OPHN1: variants seen among roughly 807,000 people sequenced by gnomAD.
The protein encoded by OPHN1 is oligophrenin 1, also known as oligophrenin-1.
A neutral mutation model predicts 60.7 loss-of-function variants in OPHN1; 11 were observed. That is an observed-to-expected ratio of 0.18 (90% CI 0.11 to 0.30). The LOEUF (loss-of-function observed/expected upper bound fraction) is 0.30, where lower values mean the gene tolerates loss of function less well. Among genes scored for constraint, OPHN1 ranks in the 10% least tolerant of loss-of-function variants. OPHN1 has a pLI of 1.00. For synonymous variants in OPHN1, 226 were observed against 222.6 expected (o/e 1.02, Z -0.14); for missense variants, 449 against 611.0 (o/e 0.73, Z 2.80).
chrX:68,172,861 G>A (rs185512635), intron 15 of OPHN1, among the ~76,000 whole-genome samples: 1 of 110,810 alleles, frequency 9.0e-6, no homozygotes, highest in African/African-American at 3.3e-5. Flanking sequence ...TTCTCACACC[G>A]AGCCAGGCTC....
intron 2 of OPHN1, among the ~76,000 whole-genome samples, chrX:68,378,116 T>C (rs1275496536): frequency 1.8e-5 from 2 of 111,977 alleles, no homozygotes; most frequent in African/African-American, 3.2e-5. Flanking sequence ...TTTTAATGAT[T>C]GCCATTCTAA....
At chrX:68,157,463 G>T (rs774708129) in intron 15 of OPHN1, among the ~76,000 whole-genome samples, 5 of 111,653 alleles carry the variant, frequency 4.5e-5, no homozygotes, top group African/African-American at 1.6e-4. Context: ...AATTTTAAGC[G>T]AACTAATGCG....
chrX:68,096,921 G>A lies in OPHN1; in HGVS notation c.1635C>T (p.Asn545=). The change falls in exon 19 of 25, where the codon AAC becomes AAT. Residue 545 remains asparagine (N), a synonymous_variant. Coordinates refer to ENST00000355520, the MANE Select transcript of OPHN1 (RefSeq NM_002547.3). ...AQEDTVAAMM[N]IKFQNIVVEI... is the part of the protein sequence containing the mutation. ...CCACCACTATGTTCTGGAATTTGAT[G>A]TTCATCATGGCGGCCACAGTGTCCT... 8.3e-7 allele frequency: 1 copy of A among 1,210,836 alleles called. No homozygotes were observed. Among genetic ancestry groups the A allele is most frequent in the East Asian group, 3.0e-5 (1 of 33,826 alleles).
At chrX:68,134,238 A>G (rs1408395534) in intron 15 of OPHN1, among the ~76,000 whole-genome samples, 2 of 111,636 alleles carry the variant, frequency 1.8e-5, no homozygotes, top group Non-Finnish European at 3.8e-5. Context: ...ACAGAAGATC[A>G]TTTACGTTTT....
At chrX:68,419,761 G>C (rs1009854590) in intron 2 of OPHN1, among the ~76,000 whole-genome samples, 1 of 110,537 alleles carries the variant, frequency 9.0e-6, no homozygotes, top group African/African-American at 3.3e-5. Flanking sequence ...GGCTGGTCTC[G>C]AACTACTGAG....
At chrX:68,396,709 G>C (rs1164091267) in intron 2 of OPHN1, among the ~76,000 whole-genome samples, 1 of 110,976 alleles carries the variant, frequency 9.0e-6, no homozygotes, top group African/African-American at 3.3e-5. Flanking sequence ...CAGCTACCCG[G>C]GAGGCTGAGG....
intron 2 of OPHN1, among the ~76,000 whole-genome samples, chrX:68,383,292 A>C (rs2078606995): frequency 9.0e-6 from 1 of 111,239 alleles, no homozygotes; most frequent in Non-Finnish European, 1.9e-5. Flanking sequence ...ACAAAAAGGA[A>C]TTAAACAGGC....
At chrX:68,111,655 G>A (rs1325288804) in intron 18 of OPHN1, among the ~76,000 whole-genome samples, 199 bp downstream of exon 18, 1 of 111,687 alleles carries the variant, frequency 9.0e-6, no homozygotes, top group Non-Finnish European at 1.9e-5. Context: ...TTTCAACTGA[G>A]ACAATCCACA....
At chrX:68,200,397 C>T (rs1487239052) in intron 11 of OPHN1, among the ~76,000 whole-genome samples, 1 of 111,559 alleles carries the variant, frequency 9.0e-6, no homozygotes, top group Non-Finnish European at 1.9e-5. Flanking sequence ...AACATAAATT[C>T]ATCCTAGCCC....
intron 5 of OPHN1, among the ~76,000 whole-genome samples, chrX:68,264,263 A>G (rs912473991): frequency 3.6e-5 from 4 of 111,700 alleles, no homozygotes; most frequent in African/African-American, 1.3e-4. Context: ...AATGGGATCT[A>G]ATTAAACTAA....
Position 68,044,651 on chromosome X carries a change from C to T in OPHN1, c.*2521G>A, listed in dbSNP as rs1039169230. 8.9e-5 allele frequency: 10 copies of T among 112,591 alleles called. No homozygotes were observed. Among genetic ancestry groups the T allele is most frequent in the African/African-American group, 3.2e-4 (10 of 31,020 alleles). 9.3% of individuals were successfully genotyped at this position (112,591 alleles called of 1,213,427 possible). On this transcript the variant is annotated 3_prime_UTR_variant, in exon 25 of 25. Transcript: ENST00000355520. ...CCAGTCTCATTCCATGATAGCATGC[C>T]TCGCCACAGAAGCTTTTTGCACTTT...
intron 6 of OPHN1, among the ~76,000 whole-genome samples, chrX:68,222,943 A>T (rs2077669855): frequency 9.0e-6 from 1 of 110,641 alleles, no homozygotes; most frequent in Non-Finnish European, 1.9e-5. Context: ...AAATAAATAA[A>T]AATAAATAAA....
chrX:68,197,203 T>C lies in OPHN1; in HGVS notation c.1087A>G (p.Met363Val). 8.3e-7 allele frequency: 1 copy of C among 1,209,348 alleles called. No homozygotes were observed. Among genetic ancestry groups the C allele is most frequent in the Non-Finnish European group, 1.1e-6 (1 of 893,682 alleles). The stretch of plus-strand genomic sequence containing the variant: ...TAACTTACAGGTTCTTTCCCATCCA[T>C]GGCTTCCATCCATAGCCTTCTGTTA... ...EANRRLWMEA[M>V]DGKEPIYHSP... is the part of the protein sequence containing the mutation. Residue 363 changes from methionine to valine, a missense_variant, in exon 12 of 25, where the codon ATG (methionine) becomes GTG (valine). Around this residue, in one of 4 missense-constraint regions of OPHN1, gnomAD observed 166 missense variants for 278.4 expected, o/e 0.60. Coordinates refer to ENST00000355520, the MANE Select transcript of OPHN1 (RefSeq NM_002547.3).
intron 15 of OPHN1, among the ~76,000 whole-genome samples, chrX:68,174,508 A>G (rs1265091268): frequency 3.3e-4 from 27 of 81,036 alleles, no homozygotes; most frequent in African/African-American, 1.3e-3. Flanking sequence ...GTCTCACTCT[A>G]TCACCCAGGC....
At chrX:68,167,721 GTATA>G (rs372934703) in intron 15 of OPHN1, among the ~76,000 whole-genome samples, 3 of 104,729 alleles carry the variant, frequency 2.9e-5, no homozygotes, top group African/African-American at 7.1e-5. Context: ...ATGTGTGTGT[GTATA>G]TATATATATA....
At chrX:68,389,776 C>T (rs2078644515) in intron 2 of OPHN1, among the ~76,000 whole-genome samples, 2 of 109,631 alleles carry the variant, frequency 1.8e-5, no homozygotes, top group Non-Finnish European at 3.8e-5. Context: ...GTTTCTGCCA[C>T]TTACTCACTA....
chrX:68,206,974 T>C (rs1460023701), intron 9 of OPHN1, among the ~76,000 whole-genome samples: 2 of 111,146 alleles, frequency 1.8e-5, no homozygotes, highest in Non-Finnish European at 3.8e-5. Context: ...GTCATTTACT[T>C]TGCTGTCTCT....
chrX:68,426,919 T>C (rs2078862111), intron 2 of OPHN1, among the ~76,000 whole-genome samples: 1 of 100,635 alleles, frequency 9.9e-6, no homozygotes, highest in Admixed American at 1.1e-4. Context: ...AACATACTTA[T>C]AAAGCACATT....
chrX:68,281,528 T>G (rs764191288), intron 4 of OPHN1, among the ~76,000 whole-genome samples: 1 of 112,035 alleles, frequency 8.9e-6, no homozygotes, highest in Non-Finnish European at 1.9e-5. Context: ...ACTTTTTAGA[T>G]ATAACACCAA....
Sources: allele counts gnomAD v4.1 joint callset (sites outside exome capture counted in the v4.1 genomes callset), GRCh38; gene constraint gnomAD v4.1.1; regional missense constraint gnomAD v4.1.1; transcripts MANE v1.5; gene names NCBI Gene and HGNC (gene_info 2026-07-23, HGNC 2026-07-21).